Variants in CACNA2D3 observed in about 807,000 individuals in gnomAD.
The protein encoded by CACNA2D3 is voltage-dependent calcium channel subunit alpha-2/delta-3.
A neutral mutation model predicts 160.6 loss-of-function variants in CACNA2D3; 60 were observed. That is an observed-to-expected ratio of 0.37 (90% CI 0.30 to 0.46). The LOEUF is 0.46. Among genes scored for constraint, CACNA2D3 ranks in the 20% least tolerant of loss-of-function variants. The pLI is 1.00. For missense variants in CACNA2D3, 1,205 were observed against 1,365.0 expected, an observed-to-expected ratio of 0.88 and a Z score of 1.85; for synonymous variants, 558 against 492.9, an observed-to-expected ratio of 1.13 and a Z score of -1.75.
intron 3 of CACNA2D3, among the ~76,000 whole-genome samples, chr3:54,375,266 C>G (rs757042743): frequency 5.9e-5 from 9 of 152,330 alleles, no homozygotes; most frequent in Non-Finnish European, 1.2e-4. Context: ...ATCCTGGACT[C>G]TAATGTCCTT....
intron 11 of CACNA2D3, among the ~76,000 whole-genome samples, chr3:54,671,041 GTT>G (rs1390317912): frequency 6.6e-6 from 1 of 152,008 alleles, no homozygotes; most frequent in Non-Finnish European, 1.5e-5. Flanking sequence ...TCTAGTGGAG[GTT>G]TACCAGTTGT....
intron 27 of CACNA2D3, among the ~76,000 whole-genome samples, chr3:54,954,400 C>A (rs1032244039): frequency 6.6e-6 from 1 of 152,192 alleles, no homozygotes; most frequent in Admixed American, 6.5e-5. Flanking sequence ...TTCTTCCCAG[C>A]AATAGGAGAG....
intron 29 of CACNA2D3, among the ~76,000 whole-genome samples, chr3:54,980,650 G>T (rs1386148821): frequency 6.6e-6 from 1 of 152,134 alleles, no homozygotes; most frequent in African/African-American, 2.4e-5. Context: ...CCGAGCCTAG[G>T]ACACCATAAG....
At chr3:54,628,768 T>C (rs1461982136) in intron 10 of CACNA2D3, among the ~76,000 whole-genome samples, 2 of 152,102 alleles carry the variant, frequency 1.3e-5, no homozygotes, top group African/African-American at 4.8e-5. Context: ...AATCCACAGA[T>C]TAGCATCAGC....
chr3:54,816,060 A>G (rs1025866255), intron 13 of CACNA2D3, among the ~76,000 whole-genome samples: 1 of 152,294 alleles, frequency 6.6e-6, no homozygotes, highest in East Asian at 1.9e-4. Flanking sequence ...CTTTTTCCAC[A>G]TACCTATTAA....
intron 4 of CACNA2D3, among the ~76,000 whole-genome samples, chr3:54,426,145 AG>A (rs922042715): frequency 1.3e-5 from 2 of 152,028 alleles, no homozygotes; most frequent in Non-Finnish European, 2.9e-5. Context: ...AGAAGAGGGG[AG>A]GGGCCCCTCT....
intron 9 of CACNA2D3, among the ~76,000 whole-genome samples, chr3:54,588,568 A>C (rs1218816888): frequency 1.3e-5 from 2 of 151,596 alleles, no homozygotes; most frequent in Non-Finnish European, 2.9e-5. Flanking sequence ...TCTACACACA[A>C]AAAAATTTCC....
At chr3:54,733,868 A>G (rs1410881333) in intron 11 of CACNA2D3, among the ~76,000 whole-genome samples, 1 of 152,180 alleles carries the variant, frequency 6.6e-6, no homozygotes, top group Non-Finnish European at 1.5e-5. Context: ...ATTTAATTTC[A>G]TCAGTGAACA....
At chr3:54,276,339 C>A (rs549153509) in intron 2 of CACNA2D3, among the ~76,000 whole-genome samples, 2 of 152,064 alleles carry the variant, frequency 1.3e-5, no homozygotes, top group Non-Finnish European at 2.9e-5. Context: ...GAAGCTGAGG[C>A]GGGCAGATCA....
intron 4 of CACNA2D3, among the ~76,000 whole-genome samples, chr3:54,404,856 C>T (rs1699543467): frequency 6.6e-6 from 1 of 151,828 alleles, no homozygotes; most frequent in African/African-American, 2.4e-5. Flanking sequence ...AGAAAATAAT[C>T]TCATTTCTAA....
chr3:54,217,312 A>G (rs1701480825), intron 2 of CACNA2D3, among the ~76,000 whole-genome samples: 1 of 152,178 alleles, frequency 6.6e-6, no homozygotes, highest in Non-Finnish European at 1.5e-5. Flanking sequence ...AGCCAGTGGC[A>G]GTGTCCCTTC....
intron 31 of CACNA2D3, among the ~76,000 whole-genome samples, chr3:54,990,247 C>T (rs1442028583): frequency 2.6e-5 from 4 of 152,112 alleles, no homozygotes; most frequent in African/African-American, 9.7e-5. Flanking sequence ...AAACAAATTT[C>T]AGACCGGGTG....
At chr3:54,696,128 A>G (rs1158702711) in intron 11 of CACNA2D3, among the ~76,000 whole-genome samples, 1 of 152,132 alleles carries the variant, frequency 6.6e-6, no homozygotes, top group Admixed American at 6.5e-5. Context: ...TAACTCCACC[A>G]TTATATTCAG....
intron 5 of CACNA2D3, among the ~76,000 whole-genome samples, chr3:54,541,919 T>C (rs1701985745): frequency 6.7e-6 from 1 of 149,156 alleles, no homozygotes; most frequent in South Asian, 2.1e-4. Flanking sequence ...GGTTAACATT[T>C]AGGAAAGGGT....
chr3:54,721,030 A>T (rs569055845), intron 11 of CACNA2D3, among the ~76,000 whole-genome samples: 2 of 152,150 alleles, frequency 1.3e-5, no homozygotes, highest in South Asian at 4.2e-4. Flanking sequence ...TATTTCTATT[A>T]TTCAGTTTTG....
At chr3:54,412,169 ATTCT>A (rs1699678219) in intron 4 of CACNA2D3, among the ~76,000 whole-genome samples, 3 of 152,194 alleles carry the variant, frequency 2.0e-5, no homozygotes, top group Admixed American at 1.3e-4. Flanking sequence ...TGTTGGATGA[ATTCT>A]TTCTTCTTTT....
intron 14 of CACNA2D3, among the ~76,000 whole-genome samples, chr3:54,836,521 A>G (rs1188690522): frequency 6.6e-6 from 1 of 151,868 alleles, no homozygotes; most frequent in African/African-American, 2.4e-5. Flanking sequence ...GATGTGAGCC[A>G]CCACGCCTGT....
At chr3:54,624,661 GTGAC>G (rs1466496670) in intron 9 of CACNA2D3, among the ~76,000 whole-genome samples, 7 of 152,204 alleles carry the variant, frequency 4.6e-5, no homozygotes, top group African/African-American at 1.7e-4. Context: ...GTTAACATGT[GTGAC>G]TGAGTGCAAT....
chr3:55,034,697 T>G (rs1703774022), intron 35 of CACNA2D3, among the ~76,000 whole-genome samples: 1 of 152,124 alleles, frequency 6.6e-6, no homozygotes, highest in Admixed American at 6.6e-5. Flanking sequence ...TTTTTAAACT[T>G]GAAATGTCAT....
Sources: gnomAD v4.1 joint callset for allele counts (sites outside exome capture counted in the v4.1 genomes callset) on GRCh38, gnomAD v4.1.1 for gene constraint, MANE v1.5 for transcripts, NCBI Gene and HGNC (gene_info 2026-07-23, HGNC 2026-07-21) for gene names.